KALRN: variants seen among roughly 807,000 people sequenced by gnomAD.
KALRN encodes kalirin RhoGEF kinase, also known as kalirin.
KALRN carries 70 observed loss-of-function variants against 353.7 expected under a neutral mutation model. The observed-to-expected ratio is 0.20, with a 90% confidence interval of 0.16 to 0.24. The LOEUF (loss-of-function observed/expected upper bound fraction) is 0.24. KALRN is among the 10% of genes least tolerant of loss of function. The pLI is 1.00. For synonymous variants in KALRN, 1,391 were observed against 1,434.8 expected (o/e 0.97, Z 0.69); for missense variants, 2,791 against 3,756.7 (o/e 0.74, Z 6.72).
chr3:124,591,826 T>G (rs546320447), intron 34 of KALRN, among the ~76,000 whole-genome samples: 1 of 152,316 alleles, frequency 6.6e-6, no homozygotes, highest in East Asian at 1.9e-4. Flanking sequence ...TGGCCCTGGC[T>G]CAAACCATTG....
intron 1 of KALRN, among the ~76,000 whole-genome samples, chr3:124,102,649 A>C (rs986567434): frequency 5.3e-5 from 8 of 152,144 alleles, no homozygotes; most frequent in Non-Finnish European, 5.9e-5. Flanking sequence ...CAGCTTTAGG[A>C]ATCTTAGTTT....
chr3:124,626,766 T>A (rs1344785957), intron 34 of KALRN, among the ~76,000 whole-genome samples: 1 of 152,220 alleles, frequency 6.6e-6, no homozygotes, highest in Non-Finnish European at 1.5e-5. Flanking sequence ...AGCAACTTGA[T>A]GCTCCCTTCT....
At chr3:124,575,085 A>T (rs897114702) in intron 34 of KALRN, among the ~76,000 whole-genome samples, 3 of 152,254 alleles carry the variant, frequency 2.0e-5, no homozygotes, top group Non-Finnish European at 4.4e-5. Context: ...ACTAATTGCC[A>T]TTCTGAATAC....
intron 57 of KALRN, 64 bp from the exon 58 acceptor site, chr3:124,712,871 C>A: frequency 8.5e-7 from 1 of 1,179,844 alleles, no homozygotes. Flanking sequence ...CTTTACTTAT[C>A]CATGAATAAA....
rs181656490 is a variant in KALRN, at chr3:124,707,852, A to G, written c.8076-5083A>G. Among the ~76,000 whole-genome samples, 18 of 152,310 alleles carry G rather than the reference A, an allele frequency of 1.2e-4. No individual in the cohort carries two copies. The East Asian group carries it at 3.5e-3, about 29-fold the overall frequency. On this transcript the variant is annotated intron_variant, in intron 57 of 59. Coordinates refer to ENST00000682506, the MANE Select transcript of KALRN (RefSeq NM_001388419.1). ...AAATCTCAGGAGAAAGCAAAAGAAG[A>G]AGATCTCCTAATTCTATATGAAATG... is the stretch of plus-strand genomic sequence containing the variant.
At chr3:124,347,399 G>A in intron 10 of KALRN, 134 bp downstream of exon 10, 2 of 1,378,446 alleles carry the variant, frequency 1.5e-6, no homozygotes, top group South Asian at 1.4e-5. Context: ...GTGTGTGTGT[G>A]TGTGTCTAGA....
At chr3:124,461,055 A>T (rs2059811565) in intron 23 of KALRN, among the ~76,000 whole-genome samples, 1 of 152,248 alleles carries the variant, frequency 6.6e-6, no homozygotes, top group Non-Finnish European at 1.5e-5. Flanking sequence ...AGGATAATCT[A>T]GGTCAGAGGT....
intron 48 of KALRN, among the ~76,000 whole-genome samples, chr3:124,672,384 A>C (rs1051001259): frequency 2.0e-5 from 3 of 152,248 alleles, no homozygotes; most frequent in Non-Finnish European, 1.5e-5. Context: ...AAATCATCAT[A>C]AAAATGGATG....
At chr3:124,470,395 C>A (rs528507555) in intron 25 of KALRN, among the ~76,000 whole-genome samples, 1 of 152,300 alleles carries the variant, frequency 6.6e-6, no homozygotes, top group Non-Finnish European at 1.5e-5. Context: ...CATAATCTGT[C>A]ATCTTCATAA....
chr3:124,669,554 G>T (rs1349445059), intron 47 of KALRN, among the ~76,000 whole-genome samples: 1 of 152,172 alleles, frequency 6.6e-6, no homozygotes, highest in African/African-American at 2.4e-5. Flanking sequence ...AAATCAGTTT[G>T]ATAAGGCCTA....
chr3:124,577,570 C>T (rs1453791619), intron 34 of KALRN, among the ~76,000 whole-genome samples: 1 of 152,170 alleles, frequency 6.6e-6, no homozygotes, highest in Non-Finnish European at 1.5e-5. Context: ...GTTACCCACA[C>T]AGATATTATA....
intron 34 of KALRN, among the ~76,000 whole-genome samples, chr3:124,578,946 G>A (rs1270705322): frequency 6.6e-6 from 1 of 152,148 alleles, no homozygotes; most frequent in Non-Finnish European, 1.5e-5. Context: ...TCTATAAAAG[G>A]TCACAGTAAG....
intron 1 of KALRN, among the ~76,000 whole-genome samples, chr3:124,208,623 A>G (rs1482550726): frequency 2.6e-5 from 4 of 152,154 alleles, no homozygotes; most frequent in African/African-American, 7.2e-5. Context: ...TCTCCAGCCA[A>G]GAAAATGCAC....
At chr3:124,205,954 C>T (rs1298289169) in intron 1 of KALRN, among the ~76,000 whole-genome samples, 3 of 152,044 alleles carry the variant, frequency 2.0e-5, no homozygotes, top group Non-Finnish European at 4.4e-5. Flanking sequence ...CTGACATATT[C>T]TTGTTGCTTT....
At chr3:124,050,251 C>T (rs1189586886) in intron 1 of KALRN, among the ~76,000 whole-genome samples, 1 of 152,212 alleles carries the variant, frequency 6.6e-6, no homozygotes, top group African/African-American at 2.4e-5. Flanking sequence ...GTCAAAGACC[C>T]TACATATGGC....
intron 1 of KALRN, among the ~76,000 whole-genome samples, chr3:124,158,747 G>A (rs1285663752): frequency 1.3e-5 from 2 of 152,172 alleles, no homozygotes; most frequent in African/African-American, 2.4e-5. Context: ...GAAGATTACG[G>A]CAATGGATGG....
chr3:124,455,130 A>C (rs763262293), intron 21 of KALRN, 47 bp from the exon 22 acceptor site: 2 of 1,600,762 alleles, frequency 1.2e-6, no homozygotes, highest in African/African-American at 2.7e-5. Flanking sequence ...GTGAAGGGGC[A>C]GGAGAATAAA....
At chr3:124,121,837 A>G (rs1414986488) in intron 1 of KALRN, among the ~76,000 whole-genome samples, 1 of 152,218 alleles carries the variant, frequency 6.6e-6, no homozygotes, top group Non-Finnish European at 1.5e-5. Flanking sequence ...TAGTAGCAGT[A>G]TAAGTGCTCC....
At position 124,726,121 on chromosome 3, in the gene KALRN, A is replaced by G. The variant is rs2063415664; in HGVS notation, c.*6651A>G. The G allele has an allele frequency of 6.6e-6, 1 of 152,082 alleles. No individual in the cohort carries two copies. Among genetic ancestry groups the G allele is most frequent in the Non-Finnish European group, 1.5e-5 (1 of 68,016 alleles). The allele number at this position is 152,082 out of a possible 1,614,324, so 9.4% of individuals were successfully genotyped here. A position where few individuals can be genotyped will look rare whatever the true frequency, so the allele number is the denominator to read the frequency against. ...TTTTTAAATTTTTCTGCTGTTGTTC[A>G]TTTTGTATGCACACAATGTCGTTTT... On this transcript the variant is annotated 3_prime_UTR_variant, in exon 60 of 60. Transcript: ENST00000682506.
Sources: allele counts gnomAD v4.1 joint callset (sites outside exome capture counted in the v4.1 genomes callset), GRCh38; gene constraint gnomAD v4.1.1; transcripts MANE v1.5; gene names NCBI Gene and HGNC (gene_info 2026-07-23, HGNC 2026-07-21).